ST3GAL1: variants seen among roughly 807,000 people sequenced by gnomAD.
The protein encoded by ST3GAL1 is ST3 beta-galactoside alpha-2,3-sialyltransferase 1.
In ST3GAL1, 16 loss-of-function variants were observed where a neutral mutation model predicts 34.1. The observed-to-expected ratio is 0.47, with a 90% CI of 0.32 to 0.71. The LOEUF (loss-of-function observed/expected upper bound fraction) is 0.71. ST3GAL1 is among the 30% of genes least tolerant of loss of function. The pLI is 0.04. For missense variants in ST3GAL1, 353 were observed against 447.4 expected (o/e 0.79, Z 1.90); for synonymous variants, 191 against 184.7 (o/e 1.03, Z -0.28).
intron 2 of ST3GAL1, among the ~76,000 whole-genome samples, chr8:133,502,615 A>G (rs958062740): frequency 6.6e-6 from 1 of 152,162 alleles, no homozygotes; most frequent in African/African-American, 2.4e-5. Context: ...TCTGTCGTTT[A>G]AGCTACCGAG....
chr8:133,540,530 G>T (rs1419925926), intron 2 of ST3GAL1, among the ~76,000 whole-genome samples: 2 of 151,970 alleles, frequency 1.3e-5, no homozygotes, highest in Non-Finnish European at 2.9e-5. Flanking sequence ...ATCAGTCCCT[G>T]TGTATCCTTT....
Position 133,461,746 on chromosome 8 carries a change from G to C in ST3GAL1, c.849+129C>G, listed in dbSNP as rs1054238085. On this transcript the variant is annotated intron_variant, in intron 9 of 9. Coordinates refer to ENST00000522652, the MANE Select transcript of ST3GAL1 (RefSeq NM_173344.3). The surrounding 1 kb of genome is among the most constrained non-coding windows in gnomAD (Gnocchi z 4.7). ...GACACATGTTGCAAGTCCTGTCGTAGAGACAGGGAATCCGAGCTTCCGGAA... is the reference window on the plus strand; with the variant it reads ...GACACATGTTGCAAGTCCTGTCGTACAGACAGGGAATCCGAGCTTCCGGAA... 1.5e-6 allele frequency: 2 copies of C among 1,326,202 alleles called. No individual in the cohort carries two copies. The highest frequency in any genetic ancestry group is 2.1e-6 in the Non-Finnish European group (2 of 953,120). 82.2% of individuals were successfully genotyped at this position (1,326,202 alleles called of 1,614,324 possible).
intron 3 of ST3GAL1, among the ~76,000 whole-genome samples, chr8:133,484,856 G>A (rs1330259958): frequency 1.3e-5 from 2 of 152,168 alleles, no homozygotes; most frequent in Admixed American, 6.5e-5. Context: ...CCTGGGTGAT[G>A]AGGCCTTCTC....
chr8:133,520,409 T>C (rs567553872), intron 2 of ST3GAL1, among the ~76,000 whole-genome samples: 62 of 152,318 alleles, frequency 4.1e-4, no homozygotes, highest in African/African-American at 1.2e-3. Flanking sequence ...AAAATGCTCC[T>C]AGTTGTTCCA....
At chr8:133,528,481 T>C (rs1175379543) in intron 2 of ST3GAL1, among the ~76,000 whole-genome samples, 2 of 152,240 alleles carry the variant, frequency 1.3e-5, no homozygotes, top group African/African-American at 2.4e-5. Context: ...ATGGGAACAC[T>C]AGTAATTAGC....
rs139460635 is a variant in ST3GAL1 at position 133,457,983 on chromosome 8, A to G, written c.*1781T>C. 563 of 152,372 alleles carry G rather than the reference A, an allele frequency of 3.7e-3. 1 individual carries two copies. The highest frequency in any genetic ancestry group is 0.014 in the Middle Eastern group (4 of 296). The allele number at this position is 152,372 out of a possible 1,614,324, so 9.4% of individuals were successfully genotyped here. On this transcript the variant is annotated 3_prime_UTR_variant, in exon 10 of 10. Coordinates refer to ENST00000522652, the MANE Select transcript of ST3GAL1 (RefSeq NM_173344.3). ...TAAACATTAGTAACTGGAGCCAACA[A>G]TCACCGTCCCCCACATTCCTGTCAC...
chr8:133,467,682 AG>A lies in ST3GAL1; in HGVS notation c.307-1593del, dbSNP rs1382114809. 6.6e-6 allele frequency among the ~76,000 whole-genome samples: 1 copy of A among 152,164 alleles called. No individual in the cohort carries two copies. The highest frequency in any genetic ancestry group is 2.4e-5 in the African/African-American group (1 of 41,460). ...TCGGCTACTCCGGGCCCCAGGGGCA[AG>A]GGGTGGCTGGGAGAGGAAGGAGTGG... On this transcript the variant is annotated intron_variant, in intron 5 of 9. Transcript: ENST00000522652. This position sits in a 1 kb window ranked among gnomAD's most constrained non-coding sequence, Gnocchi z 4.2.
chr8:133,537,883 G>A (rs530703955), intron 2 of ST3GAL1, among the ~76,000 whole-genome samples: 6 of 152,152 alleles, frequency 3.9e-5, no homozygotes. Flanking sequence ...TCAGCTGTCC[G>A]GTGCCTGACC....
chr8:133,461,796 TC>T lies in ST3GAL1; in HGVS notation c.849+78del, dbSNP rs1815518482. On this transcript the variant is annotated intron_variant, in intron 9 of 9. Coordinates refer to ENST00000522652, the MANE Select transcript of ST3GAL1 (RefSeq NM_173344.3). This position sits in a 1 kb window ranked among gnomAD's most constrained non-coding sequence, Gnocchi z 4.7. The stretch of plus-strand genomic sequence containing the variant: ...AGAGGCAGGCTAGGTCTACCTGCCC[TC>T]CCCCTCCCTGGCCTCTCTTGGGAAC... 41 of 1,580,910 alleles carry T rather than the reference TC, an allele frequency of 2.6e-5. No homozygotes were observed. The highest frequency in any genetic ancestry group is 2.8e-5 in the Non-Finnish European group (33 of 1,159,114).
At chr8:133,520,179 G>A (rs772692241) in intron 2 of ST3GAL1, among the ~76,000 whole-genome samples, 4 of 152,130 alleles carry the variant, frequency 2.6e-5, no homozygotes, top group African/African-American at 9.7e-5. Flanking sequence ...GAAATTCTAG[G>A]GGAGGCAGAG....
chr8:133,466,139 C>T lies in ST3GAL1; in HGVS notation c.307-49G>A, dbSNP rs767825630. On this transcript the variant is annotated intron_variant, in intron 5 of 9. Transcript: ENST00000522652. The surrounding 1 kb of genome is among the most constrained non-coding windows in gnomAD (Gnocchi z 4.4). ...GTCAACCTGGCTTTGTGGCTCCAGCCTCCTGGCAGCAGAGCCCCTGAGCTA... is the reference window on the plus strand; with the variant it reads ...GTCAACCTGGCTTTGTGGCTCCAGCTTCCTGGCAGCAGAGCCCCTGAGCTA... 3.2e-6 allele frequency: 5 copies of T among 1,561,820 alleles called. No individual in the cohort carries two copies. The highest frequency in any genetic ancestry group is 4.4e-6 in the Non-Finnish European group (5 of 1,148,444).
intron 1 of ST3GAL1, among the ~76,000 whole-genome samples, chr8:133,553,429 A>G (rs1040847692): frequency 1.3e-5 from 2 of 152,236 alleles, no homozygotes; most frequent in African/African-American, 4.8e-5. Context: ...TGAAGAAGAC[A>G]GATGAGGAAA....
At chr8:133,513,521 C>T (rs752520681) in intron 2 of ST3GAL1, among the ~76,000 whole-genome samples, 50 of 152,338 alleles carry the variant, frequency 3.3e-4, no homozygotes, top group Non-Finnish European at 6.2e-4. Context: ...CGGCTACTTT[C>T]GTGCTCCAAT....
rs1001616683 is a variant in ST3GAL1 at position 133,556,496 on chromosome 8, G to A, written c.-581-10570C>T. On this transcript the variant is annotated intron_variant, in intron 1 of 9. Transcript: ENST00000522652. This position sits in a 1 kb window ranked among gnomAD's most constrained non-coding sequence, Gnocchi z 8.9. ...GCATATATTGTTCTGTCCGCTCAGA[G>A]TCACGTTCCTTTCTCAGATCTGGGA... is the stretch of plus-strand genomic sequence containing the variant. Among the ~76,000 whole-genome samples, 1 of 152,216 alleles carries A rather than the reference G, an allele frequency of 6.6e-6. No individual in the cohort carries two copies. The highest frequency in any genetic ancestry group is 1.5e-5 in the Non-Finnish European group (1 of 68,040).
chr8:133,515,919 G>A (rs1195950339), intron 2 of ST3GAL1, among the ~76,000 whole-genome samples: 1 of 152,064 alleles, frequency 6.6e-6, no homozygotes, highest in Non-Finnish European at 1.5e-5. Flanking sequence ...GCAGTGGTGC[G>A]ATCTCGGCTC....
At chr8:133,531,980 T>C (rs900879915) in intron 2 of ST3GAL1, among the ~76,000 whole-genome samples, 7 of 152,186 alleles carry the variant, frequency 4.6e-5, no homozygotes, top group African/African-American at 1.7e-4. Flanking sequence ...TTCACACTCA[T>C]TCTGTCCTGC....
chr8:133,531,088 C>T (rs1432641408), intron 2 of ST3GAL1, among the ~76,000 whole-genome samples: 2 of 151,584 alleles, frequency 1.3e-5, no homozygotes, highest in African/African-American at 4.8e-5. Context: ...GTCCCCCGCT[C>T]TTAGTAGGGG....
At chr8:133,494,703 T>C (rs1436885179) in intron 3 of ST3GAL1, among the ~76,000 whole-genome samples, 1 of 152,028 alleles carries the variant, frequency 6.6e-6, no homozygotes. Flanking sequence ...CGACTTTTCC[T>C]TGCTCACTCC....
At chr8:133,565,255 G>A (rs1375733516) in intron 1 of ST3GAL1, among the ~76,000 whole-genome samples, 2 of 151,258 alleles carry the variant, frequency 1.3e-5, no homozygotes, top group African/African-American at 4.9e-5. Flanking sequence ...GCTCCATCAG[G>A]GAGCTCCCTG....
Sources: gnomAD v4.1 joint callset for allele counts (sites outside exome capture counted in the v4.1 genomes callset) on GRCh38, gnomAD v4.1.1 for gene constraint, Gnocchi (gnomAD v3.1) non-coding constraint, MANE v1.5 for transcripts, NCBI Gene and HGNC (gene_info 2026-07-23, HGNC 2026-07-21) for gene names.